DPYD: variants seen among roughly 807,000 people sequenced by gnomAD.
The protein encoded by DPYD is dihydropyrimidine dehydrogenase, also known as dihydropyrimidine dehydrogenase [NADP(+)].
DPYD carries 109 observed loss-of-function variants against 116.2 expected under a neutral mutation model. The ratio of observed to expected loss-of-function variants is 0.94; its 90% confidence interval spans 0.80 to 1.10. The LOEUF (loss-of-function observed/expected upper bound fraction) is 1.10, where lower values mean the gene tolerates loss of function less well. Ranked by LOEUF, DPYD falls within the 50% of genes least tolerant of loss-of-function variation. The probability of loss-of-function intolerance (pLI) is 0.00; values close to 1 mark genes in which losing one functional copy is unlikely to be tolerated. For synonymous variants in DPYD, 440 were observed against 432.0 expected (o/e 1.02, Z -0.23); for missense variants, 1,302 against 1,254.5 (o/e 1.04, Z -0.57).
At chr1:97,405,973 T>G (rs1232164255) in intron 14 of DPYD, among the ~76,000 whole-genome samples, 1 of 152,190 alleles carries the variant, frequency 6.6e-6, no homozygotes, top group African/African-American at 2.4e-5. Flanking sequence ...TTTGAGAAGT[T>G]TGTCAAGCTT....
chr1:97,333,641 C>T (rs1254812711), intron 16 of DPYD, among the ~76,000 whole-genome samples: 2 of 151,160 alleles, frequency 1.3e-5, no homozygotes, highest in Non-Finnish European at 2.9e-5. Flanking sequence ...CTGCCTCAGC[C>T]TCCCGAGTAG....
chr1:97,239,070 G>A (rs902957972), intron 18 of DPYD, among the ~76,000 whole-genome samples: 4 of 152,210 alleles, frequency 2.6e-5, no homozygotes, highest in African/African-American at 9.6e-5. Flanking sequence ...TGGCTCTTGT[G>A]GTGGACTAGA....
chr1:97,457,578 G>A (rs1676754029), intron 13 of DPYD, among the ~76,000 whole-genome samples: 1 of 152,226 alleles, frequency 6.6e-6, no homozygotes, highest in African/African-American at 2.4e-5. Context: ...AAGCAATACA[G>A]CACATGACTG....
intron 3 of DPYD, among the ~76,000 whole-genome samples, chr1:97,770,346 A>G (rs187077466): frequency 6.6e-5 from 10 of 152,336 alleles, no homozygotes; most frequent in Admixed American, 5.9e-4. Flanking sequence ...TGATTTAGGT[A>G]ATGTAAACAA....
At chr1:97,625,898 A>G (rs1656900233) in intron 8 of DPYD, among the ~76,000 whole-genome samples, 1 of 152,070 alleles carries the variant, frequency 6.6e-6, no homozygotes, top group African/African-American at 2.4e-5. Context: ...ACCTTATACA[A>G]TAATTGTGAC....
chr1:97,818,244 A>G (rs1668736340), intron 3 of DPYD, among the ~76,000 whole-genome samples: 1 of 152,062 alleles, frequency 6.6e-6, no homozygotes, highest in Non-Finnish European at 1.5e-5. Flanking sequence ...TGCAAATACT[A>G]TGTTTGAACA....
chr1:97,384,174 C>G (rs1263099813), intron 14 of DPYD, among the ~76,000 whole-genome samples: 1 of 150,690 alleles, frequency 6.6e-6, no homozygotes. Flanking sequence ...CTTAAAGTTG[C>G]AGAGTCTAGT....
intron 7 of DPYD, 33 bp downstream of exon 7, chr1:97,691,684 A>G: frequency 6.4e-7 from 1 of 1,559,520 alleles, no homozygotes; most frequent in Non-Finnish European, 8.8e-7. Context: ...TTTCTTTTTG[A>G]GCAGTACACA....
intron 21 of DPYD, among the ~76,000 whole-genome samples, chr1:97,090,643 T>C (rs577190673): frequency 1.3e-5 from 2 of 152,346 alleles, no homozygotes; most frequent in African/African-American, 4.8e-5. Context: ...GAGCATTTTG[T>C]ACATATTTGA....
At chr1:97,609,939 T>C (rs747284018) in intron 8 of DPYD, among the ~76,000 whole-genome samples, 4 of 152,010 alleles carry the variant, frequency 2.6e-5, no homozygotes, top group Non-Finnish European at 5.9e-5. Flanking sequence ...TGGCGTCTTG[T>C]AAAAGTATCT....
chr1:97,445,767 C>T (rs1676049922), intron 14 of DPYD, among the ~76,000 whole-genome samples: 1 of 150,462 alleles, frequency 6.6e-6, no homozygotes, highest in Non-Finnish European at 1.5e-5. Flanking sequence ...CTCCTGTGGC[C>T]CAGGCTGGAG....
chr1:97,449,964 C>T (rs989705022), intron 14 of DPYD, 95 bp downstream of exon 14: 38 of 1,455,040 alleles, frequency 2.6e-5, no homozygotes, highest in African/African-American at 5.6e-5. Flanking sequence ...ATAAAATATA[C>T]ACATTAATAT....
chr1:97,483,795 C>T (rs1678456446), intron 13 of DPYD, among the ~76,000 whole-genome samples: 1 of 152,078 alleles, frequency 6.6e-6, no homozygotes, highest in African/African-American at 2.4e-5. Context: ...CTGCCCTTCT[C>T]TCTTCTGCCA....
intron 3 of DPYD, among the ~76,000 whole-genome samples, chr1:97,780,561 C>T (rs1264005656): frequency 6.6e-6 from 1 of 152,186 alleles, no homozygotes; most frequent in African/African-American, 2.4e-5. Context: ...CCTCCAGGCA[C>T]TACAGCACCT....
intron 13 of DPYD, among the ~76,000 whole-genome samples, chr1:97,459,401 A>AC (rs1468670302): frequency 6.6e-6 from 1 of 152,152 alleles, no homozygotes; most frequent in African/African-American, 2.4e-5. Flanking sequence ...GGTTTAATAG[A>AC]ATTGATGAAG....
Position 97,325,816 on chromosome 1 carries a change from T to C in DPYD, c.2059-19519A>G, listed in dbSNP as rs199835237. 3.3e-5 allele frequency among the ~76,000 whole-genome samples: 5 copies of C among 151,752 alleles called. No homozygotes were observed. The East Asian group carries it at 9.7e-4, about 29-fold the overall frequency. On this transcript the variant is annotated intron_variant, in intron 16 of 22. Coordinates refer to ENST00000370192, the MANE Select transcript of DPYD (RefSeq NM_000110.4). Reference sequence around the variant, plus strand: ...ATACTTAAGAAAAGGTTCAAAAGCATAGGAATGCATGGTATCATATGAAAT... The same window carrying C: ...ATACTTAAGAAAAGGTTCAAAAGCACAGGAATGCATGGTATCATATGAAAT...
chr1:97,437,257 T>C lies in DPYD; in HGVS notation c.1905+12802A>G, dbSNP rs182117767. ...TCACTACAGATCAGTTCACATTTTC[T>C]AGTTTTAGGATGACATAATAATATA... On this transcript the variant is annotated intron_variant, in intron 14 of 22. Transcript: ENST00000370192. 1.3e-4 allele frequency among the ~76,000 whole-genome samples: 20 copies of C among 151,570 alleles called. No individual in the cohort carries two copies. In the East Asian group the frequency reaches 2.5e-3, roughly 19 times the overall value.
intron 13 of DPYD, among the ~76,000 whole-genome samples, chr1:97,500,863 C>T (rs1350762201): frequency 6.6e-6 from 1 of 152,078 alleles, no homozygotes; most frequent in East Asian, 1.9e-4. Flanking sequence ...CTCTGCCAGT[C>T]CTTACCAGTT....
intron 8 of DPYD, among the ~76,000 whole-genome samples, chr1:97,622,164 T>C (rs560979587): frequency 6.6e-6 from 1 of 152,144 alleles, no homozygotes; most frequent in South Asian, 2.1e-4. Flanking sequence ...GAACATGATA[T>C]GCAAAGAGTC....
Sources: allele counts gnomAD v4.1 joint callset (sites outside exome capture counted in the v4.1 genomes callset), GRCh38; gene constraint gnomAD v4.1.1; transcripts MANE v1.5; gene names NCBI Gene and HGNC (gene_info 2026-07-23, HGNC 2026-07-21).